The following SREK1IP1 variants were observed in gnomAD, a reference collection of about 807,000 sequenced individuals.
The protein encoded by SREK1IP1 is SREK1 interacting protein 1.
SREK1IP1 carries 12 observed loss-of-function variants against 22.8 expected under a neutral mutation model. The observed-to-expected ratio is 0.53, with a 90% CI of 0.34 to 0.85. SREK1IP1 has a LOEUF of 0.85. Among genes scored for constraint, SREK1IP1 ranks in the 40% least tolerant of loss-of-function variants. The probability of loss-of-function intolerance (pLI) is 0.02; values close to 1 mark genes in which losing one functional copy is unlikely to be tolerated. For missense variants in SREK1IP1, 147 were observed against 171.8 expected (o/e 0.86, Z 0.81); for synonymous variants, 53 against 52.7 (o/e 1.01, Z -0.02).
intron 2 of SREK1IP1, among the ~76,000 whole-genome samples, chr5:64,745,567 C>T (rs536899407): frequency 6.7e-6 from 1 of 150,140 alleles, no homozygotes; most frequent in African/African-American, 2.5e-5. Context: ...CCAGCCTGGG[C>T]AGCAGAGTAA....
chr5:64,748,538 T>C (rs1488091159), intron 2 of SREK1IP1, among the ~76,000 whole-genome samples: 3 of 152,210 alleles, frequency 2.0e-5, no homozygotes, highest in Non-Finnish European at 2.9e-5. Flanking sequence ...GAGCATGGCA[T>C]AGTATTAAAT....
Position 64,724,517 on chromosome 5 carries a change from T to C in SREK1IP1, c.335A>G (p.Tyr112Cys). 1 of 1,591,164 alleles carries C rather than the reference T, an allele frequency of 6.3e-7. No homozygotes were observed. Among genetic ancestry groups the C allele is most frequent in the African/African-American group, 1.4e-5 (1 of 73,146 alleles). Residue 112 changes from tyrosine (Y) to cysteine (C), a missense_variant, in exon 5 of 5, where the codon TAT becomes TGT. Around this residue, in one of 3 missense-constraint regions of SREK1IP1, gnomAD observed 82 missense variants for 81.7 expected, o/e 1.00. Coordinates refer to ENST00000513458, the MANE Select transcript of SREK1IP1 (RefSeq NM_173829.4). ...TTCTTTTTTCTTTTCTTTCTTCTGA[T>C]ATTTTTGTTTCTTTTGTTTTGAAGT... is the stretch of plus-strand genomic sequence containing the variant. ...EDTSKQKKQK[Y>C]QKKEKKKEKK...
intron 4 of SREK1IP1, among the ~76,000 whole-genome samples, chr5:64,726,417 T>C (rs1329687664): frequency 6.6e-6 from 1 of 151,444 alleles, no homozygotes; most frequent in Non-Finnish European, 1.5e-5. Context: ...GTACTAAAAA[T>C]ACAAAAAAAT....
At chr5:64,730,275 T>C (rs1292598656) in intron 3 of SREK1IP1, among the ~76,000 whole-genome samples, 4 of 152,088 alleles carry the variant, frequency 2.6e-5, no homozygotes, top group Admixed American at 2.0e-4. Context: ...AAAAAGTATT[T>C]AAAGACCTTG....
Position 64,723,525 on chromosome 5 carries a change from G to T in SREK1IP1, c.*859C>A, listed in dbSNP as rs1742208890. The stretch of plus-strand genomic sequence containing the variant: ...TACAATAAAAATCAGTTCTAATAAA[G>T]ATTTAGCTATCTTCCTAAATAAAAA... On this transcript the variant is annotated 3_prime_UTR_variant, in exon 5 of 5. Coordinates refer to ENST00000513458, the MANE Select transcript of SREK1IP1 (RefSeq NM_173829.4). The T allele has an allele frequency of 6.6e-6, 1 of 152,480 alleles. No homozygotes were observed. Among genetic ancestry groups the T allele is most frequent in the Non-Finnish European group, 1.5e-5 (1 of 67,970 alleles). 9.4% of individuals were successfully genotyped at this position (152,480 alleles called of 1,614,324 possible).
In SREK1IP1 at chr5:64,741,040, A is replaced by T. The variant is rs1742542676; in HGVS notation, c.205+17T>A. The T allele has an allele frequency of 1.2e-6, 2 of 1,602,090 alleles. No individual in the cohort carries two copies. The highest frequency in any genetic ancestry group is 1.7e-6 in the Non-Finnish European group (2 of 1,172,922). On this transcript the variant is annotated intron_variant, in intron 3 of 4. Coordinates refer to ENST00000513458, the MANE Select transcript of SREK1IP1 (RefSeq NM_173829.4). ...ATTTACAAACATTTCTAAAGAATGG[A>T]AAAAAATATTGCTTACTTTTTTCCT...
intron 1 of SREK1IP1, among the ~76,000 whole-genome samples, chr5:64,766,337 T>C (rs1743032393): frequency 6.6e-6 from 1 of 152,180 alleles, no homozygotes; most frequent in African/African-American, 2.4e-5. Flanking sequence ...CCCACCCAAT[T>C]GCTTAACAGT....
intron 3 of SREK1IP1, among the ~76,000 whole-genome samples, chr5:64,731,855 T>A (rs1228799692): frequency 6.6e-6 from 1 of 152,134 alleles, no homozygotes; most frequent in Non-Finnish European, 1.5e-5. Context: ...CTCTCAGTTC[T>A]CTCTCTTCCT....
chr5:64,728,226 C>G (rs1471409633), intron 3 of SREK1IP1, 47 bp from the exon 4 acceptor site: 5 of 1,284,602 alleles, frequency 3.9e-6, no homozygotes, highest in Non-Finnish European at 5.0e-6. Context: ...ATATATGATT[C>G]TATATATTAA....
Position 64,722,548 on chromosome 5 carries a change from T to C in SREK1IP1, c.*1836A>G, listed in dbSNP as rs1200068426. On this transcript the variant is annotated 3_prime_UTR_variant, in exon 5 of 5. Coordinates refer to ENST00000513458, the MANE Select transcript of SREK1IP1 (RefSeq NM_173829.4). The stretch of plus-strand genomic sequence containing the variant: ...CACCACTGCACTTGTGCCAGCCTCG[T>C]TTTTAAAAAAGCTTTATATTAAAAA... 6.6e-6 allele frequency: 1 copy of C among 152,230 alleles called. No homozygotes were observed. The highest frequency in any genetic ancestry group is 2.4e-5 in the African/African-American group (1 of 41,470). The allele number at this position is 152,230 out of a possible 1,614,324, so 9.4% of individuals were successfully genotyped here.
At chr5:64,764,875 T>A (rs1304611652) in intron 1 of SREK1IP1, among the ~76,000 whole-genome samples, 1 of 152,232 alleles carries the variant, frequency 6.6e-6, no homozygotes, top group Non-Finnish European at 1.5e-5. Context: ...AATTGAGAAT[T>A]CTTCTATTAC....
At chr5:64,736,225 T>C (rs1194743006) in intron 3 of SREK1IP1, among the ~76,000 whole-genome samples, 2 of 152,080 alleles carry the variant, frequency 1.3e-5, no homozygotes, top group Non-Finnish European at 2.9e-5. Context: ...AAAAAATGTG[T>C]ATTTTGCTGT....
At chr5:64,745,513 T>C (rs780377809) in intron 2 of SREK1IP1, among the ~76,000 whole-genome samples, 3 of 151,440 alleles carry the variant, frequency 2.0e-5, no homozygotes, top group Non-Finnish European at 4.4e-5. Context: ...TGCTTGAACC[T>C]GGGAGGTGGA....
rs576042382 is a variant in SREK1IP1 at position 64,728,996 on chromosome 5, G to A, written c.206-817C>T. 1.2e-4 allele frequency among the ~76,000 whole-genome samples: 18 copies of A among 152,214 alleles called. No homozygotes were observed. In the East Asian group the frequency reaches 3.3e-3, roughly 28 times the overall value. The stretch of plus-strand genomic sequence containing the variant: ...TCATGAGGTCAGAAATTCGAGACTA[G>A]GCTGGACAACATGGTGAAACCCCAT... On this transcript the variant is annotated intron_variant, in intron 3 of 4. Coordinates refer to ENST00000513458, the MANE Select transcript of SREK1IP1 (RefSeq NM_173829.4).
At chr5:64,738,502 G>A (rs570288677) in intron 3 of SREK1IP1, among the ~76,000 whole-genome samples, 1 of 151,572 alleles carries the variant, frequency 6.6e-6, no homozygotes, top group South Asian at 2.1e-4. Context: ...AATGTATACG[G>A]AACCACAAAA....
intron 3 of SREK1IP1, among the ~76,000 whole-genome samples, chr5:64,737,337 C>A (rs1355710002): frequency 6.6e-6 from 1 of 151,256 alleles, no homozygotes; most frequent in Non-Finnish European, 1.5e-5. Flanking sequence ...CCTGACCAAC[C>A]ATTGGGTCAA....
intron 1 of SREK1IP1, among the ~76,000 whole-genome samples, chr5:64,757,471 T>C (rs1742862876): frequency 6.6e-6 from 1 of 152,210 alleles, no homozygotes; most frequent in South Asian, 2.1e-4. Context: ...TCTAATGTAA[T>C]TGATACATTG....
rs919550034 is a variant in SREK1IP1 at position 64,722,251 on chromosome 5, C to A, written c.*2133G>T. 1 of 152,088 alleles carries A rather than the reference C, an allele frequency of 6.6e-6. No homozygotes were observed. The highest frequency in any genetic ancestry group is 1.5e-5 in the Non-Finnish European group (1 of 67,996). The allele number at this position is 152,088 out of a possible 1,614,324, so 9.4% of individuals were successfully genotyped here. On this transcript the variant is annotated 3_prime_UTR_variant, in exon 5 of 5. Transcript: ENST00000513458. ...TCATTAAAATATTTTAATTTGCATA[C>A]TACATTAGTTAACGAGGACTGACTT...
chr5:64,757,861 C>CTTT (rs59456636), intron 1 of SREK1IP1, among the ~76,000 whole-genome samples: 2,964 of 72,940 alleles, frequency 0.041, 761 homozygotes, highest in African/African-American at 0.1. Flanking sequence ...AGGTTCCTAT[C>CTTT]TTTTTTTTTT....
Sources: allele counts gnomAD v4.1 joint callset (sites outside exome capture counted in the v4.1 genomes callset), GRCh38; gene constraint gnomAD v4.1.1; regional missense constraint gnomAD v4.1.1; transcripts MANE v1.5; gene names NCBI Gene and HGNC (gene_info 2026-07-23, HGNC 2026-07-21).